The following GPC5 variants were observed in gnomAD, a reference collection of about 807,000 sequenced individuals.
The protein encoded by GPC5 is glypican 5.
In GPC5, 47 loss-of-function variants were observed where a neutral mutation model predicts 53.9. The ratio of observed to expected loss-of-function variants is 0.87; its 90% CI spans 0.69 to 1.11. GPC5 has a LOEUF of 1.11. Ranked by LOEUF, GPC5 falls within the 50% of genes most tolerant of loss-of-function variation. The probability of loss-of-function intolerance (pLI) is 0.00; values close to 1 mark genes in which losing one functional copy is unlikely to be tolerated. For missense variants in GPC5, 748 were observed against 713.1 expected (o/e 1.05, Z -0.56); for synonymous variants, 286 against 263.3 (o/e 1.09, Z -0.84).
intron 6 of GPC5, among the ~76,000 whole-genome samples, chr13:91,966,428 A>G (rs1359565050): frequency 6.6e-6 from 1 of 152,190 alleles, no homozygotes; most frequent in African/African-American, 2.4e-5. Flanking sequence ...TAGGAAGAAT[A>G]TAGACCATAC....
intron 7 of GPC5, among the ~76,000 whole-genome samples, chr13:92,748,598 G>A (rs768825901): frequency 8.6e-5 from 13 of 151,956 alleles, no homozygotes; most frequent in Non-Finnish European, 1.6e-4. Context: ...TGGGATTACA[G>A]GTGTGAGCCA....
chr13:92,768,830 TCTA>T (rs1221450298), intron 7 of GPC5, among the ~76,000 whole-genome samples: 2 of 151,720 alleles, frequency 1.3e-5, no homozygotes, highest in African/African-American at 2.4e-5. Context: ...CTGCAATTTA[TCTA>T]CTATCTTCTC....
At chr13:92,836,768 TAA>T (rs1212212140) in intron 7 of GPC5, among the ~76,000 whole-genome samples, 2 of 152,074 alleles carry the variant, frequency 1.3e-5, no homozygotes, top group African/African-American at 2.4e-5. Context: ...GAGAGGCATA[TAA>T]GACACCTGGA....
At chr13:92,136,099 G>C (rs979978043) in intron 6 of GPC5, among the ~76,000 whole-genome samples, 4 of 152,070 alleles carry the variant, frequency 2.6e-5, no homozygotes, top group Non-Finnish European at 5.9e-5. Flanking sequence ...TGGGGAAAGG[G>C]AATTATGCTC....
At chr13:92,865,245 A>T (rs1879302964) in intron 7 of GPC5, among the ~76,000 whole-genome samples, 1 of 152,114 alleles carries the variant, frequency 6.6e-6, no homozygotes. Flanking sequence ...GCTTTTTTTT[A>T]AATGAAACAC....
intron 7 of GPC5, among the ~76,000 whole-genome samples, chr13:92,844,529 A>G (rs1194541872): frequency 6.8e-6 from 1 of 147,026 alleles, no homozygotes; most frequent in Non-Finnish European, 1.5e-5. Flanking sequence ...GTACTTTTAC[A>G]GGAAAAATGT....
intron 7 of GPC5, among the ~76,000 whole-genome samples, chr13:92,839,630 A>C (rs374674365): frequency 3.0e-4 from 46 of 152,234 alleles, no homozygotes; most frequent in African/African-American, 1.1e-3. Context: ...AAAGGACAGG[A>C]TTATGTTATT....
intron 7 of GPC5, among the ~76,000 whole-genome samples, chr13:92,586,501 A>G (rs956610795): frequency 2.0e-5 from 3 of 152,232 alleles, no homozygotes; most frequent in Non-Finnish European, 4.4e-5. Context: ...GGTTGTCCTG[A>G]TGAAATTTTG....
intron 7 of GPC5, among the ~76,000 whole-genome samples, chr13:92,546,124 C>T (rs1011712978): frequency 6.6e-6 from 1 of 152,138 alleles, no homozygotes; most frequent in African/African-American, 2.4e-5. Flanking sequence ...TGCTCTCTCT[C>T]ACCACTCCTA....
chr13:92,196,812 G>A (rs201455746), intron 7 of GPC5, among the ~76,000 whole-genome samples: 2 of 137,198 alleles, frequency 1.5e-5, no homozygotes, highest in African/African-American at 5.3e-5. Flanking sequence ...AACAGGCGCA[G>A]ACAGAAGCAG....
chr13:92,713,723 T>A (rs1044124582), intron 7 of GPC5, among the ~76,000 whole-genome samples: 3 of 151,288 alleles, frequency 2.0e-5, no homozygotes, highest in Admixed American at 6.6e-5. Context: ...AAATAAGAAA[T>A]GTCTTATTTC....
At chr13:91,729,402 C>T (rs2036646668) in intron 4 of GPC5, among the ~76,000 whole-genome samples, 1 of 152,036 alleles carries the variant, frequency 6.6e-6, no homozygotes, top group Non-Finnish European at 1.5e-5. Flanking sequence ...TCCTGGCAAA[C>T]ACTAGATTCT....
At chr13:92,560,533 G>C (rs1882659368) in intron 7 of GPC5, among the ~76,000 whole-genome samples, 1 of 151,998 alleles carries the variant, frequency 6.6e-6, no homozygotes, top group Non-Finnish European at 1.5e-5. Context: ...GAAGTAGTGA[G>C]AGAAGGAGAT....
intron 7 of GPC5, among the ~76,000 whole-genome samples, chr13:92,390,655 TC>T (rs761464012): frequency 3.3e-5 from 5 of 152,162 alleles, no homozygotes; most frequent in South Asian, 2.1e-4. Flanking sequence ...GTTCTGTGAT[TC>T]TTTGTATTTA....
chr13:92,201,107 T>C (rs546117700), intron 7 of GPC5, among the ~76,000 whole-genome samples: 5 of 152,316 alleles, frequency 3.3e-5, no homozygotes, highest in African/African-American at 1.2e-4. Flanking sequence ...TGGACTTTAG[T>C]GAATGCCAAT....
chr13:92,095,597 C>T (rs1289699514), intron 6 of GPC5, among the ~76,000 whole-genome samples: 13 of 152,062 alleles, frequency 8.5e-5, no homozygotes, highest in Non-Finnish European at 1.8e-4. Flanking sequence ...TGCAACGGAA[C>T]CATCTCGGCT....
At chr13:91,866,538 T>C (rs1012912324) in intron 5 of GPC5, among the ~76,000 whole-genome samples, 8 of 152,156 alleles carry the variant, frequency 5.3e-5, no homozygotes, top group Non-Finnish European at 1.2e-4. Context: ...GCCCCTTCTC[T>C]CCTCATGTAA....
intron 7 of GPC5, among the ~76,000 whole-genome samples, chr13:92,163,460 C>CA (rs35480023): frequency 0.039 from 3,486 of 90,028 alleles, 163 homozygotes; most frequent in African/African-American, 0.11. Context: ...GATTCCATCT[C>CA]AAAAAAAAAA....
chr13:91,793,488 C>T (rs1261962219), intron 5 of GPC5, among the ~76,000 whole-genome samples: 8 of 152,122 alleles, frequency 5.3e-5, no homozygotes, highest in African/African-American at 1.7e-4. Flanking sequence ...GTCAGTCTTT[C>T]ACATTATAGA....
Sources: allele counts gnomAD v4.1 joint callset (sites outside exome capture counted in the v4.1 genomes callset), GRCh38; gene constraint gnomAD v4.1.1; transcripts MANE v1.5; gene names NCBI Gene and HGNC (gene_info 2026-07-23, HGNC 2026-07-21).